Variants in PTPRR observed in about 807,000 individuals in gnomAD.
PTPRR encodes the protein protein tyrosine phosphatase receptor type R.
Under a neutral mutation model 77.2 loss-of-function variants are expected in PTPRR, and 38 were observed. The ratio of observed to expected loss-of-function variants is 0.49; its 90% CI spans 0.38 to 0.65. PTPRR has a LOEUF of 0.65. Among genes scored for constraint, PTPRR ranks in the 30% least tolerant of loss-of-function variants. The probability of loss-of-function intolerance (pLI) is 0.00; values close to 1 mark genes in which losing one functional copy is unlikely to be tolerated. For synonymous variants in PTPRR, 299 were observed against 283.1 expected (o/e 1.06, Z -0.57); for missense variants, 744 against 799.2 (o/e 0.93, Z 0.83).
chr12:70,866,009 A>G (rs1892838373), intron 2 of PTPRR, among the ~76,000 whole-genome samples: 1 of 152,178 alleles, frequency 6.6e-6, no homozygotes, highest in Admixed American at 6.6e-5. Flanking sequence ...ACAACATACC[A>G]GAATCTCTGG....
At chr12:70,711,402 T>A (rs1888824820) in intron 6 of PTPRR, among the ~76,000 whole-genome samples, 1 of 151,074 alleles carries the variant, frequency 6.6e-6, no homozygotes, top group Non-Finnish European at 1.5e-5. Flanking sequence ...GGGTAGAGAG[T>A]GGGAGGAGGA....
At chr12:70,771,464 G>A (rs1031195851) in intron 2 of PTPRR, among the ~76,000 whole-genome samples, 1 of 151,990 alleles carries the variant, frequency 6.6e-6, no homozygotes. Flanking sequence ...TGGGTGATGG[G>A]ATCATCTGCA....
At chr12:70,903,290 A>C (rs1893570221) in intron 1 of PTPRR, among the ~76,000 whole-genome samples, 1 of 151,850 alleles carries the variant, frequency 6.6e-6, no homozygotes, top group Non-Finnish European at 1.5e-5. Flanking sequence ...GTGAGGTGAT[A>C]AATATGTTAA....
chr12:70,673,066 T>G (rs971469796), intron 10 of PTPRR: 90 of 1,107,270 alleles, frequency 8.1e-5, no homozygotes, highest in Middle Eastern at 3.9e-4. Context: ...AAGAAAGAAA[T>G]ATATATTTGA....
Position 70,638,301 on chromosome 12 carries a change from C to A in PTPRR, c.*883G>T, listed in dbSNP as rs1400904712. The stretch of plus-strand genomic sequence containing the variant: ...TTATATCATTCCTGAAGGCATATAC[C>A]TTTTGTTGAGAGAGAGATTCCAGGT... On this transcript the variant is annotated 3_prime_UTR_variant, in exon 14 of 14. Coordinates refer to ENST00000283228, the MANE Select transcript of PTPRR (RefSeq NM_002849.4). 6.6e-6 allele frequency: 1 copy of A among 152,336 alleles called. No individual in the cohort carries two copies. Among genetic ancestry groups the A allele is most frequent in the Non-Finnish European group, 1.5e-5 (1 of 68,016 alleles). The allele number at this position is 152,336 out of a possible 1,614,324, so 9.4% of individuals were successfully genotyped here. A position where few individuals can be genotyped will look rare whatever the true frequency, so the allele number is the denominator to read the frequency against.
intron 2 of PTPRR, among the ~76,000 whole-genome samples, chr12:70,856,133 A>G (rs1406381720): frequency 6.6e-6 from 1 of 152,214 alleles, no homozygotes; most frequent in Non-Finnish European, 1.5e-5. Flanking sequence ...TCACTCATGT[A>G]TTCATTCAGA....
intron 2 of PTPRR, among the ~76,000 whole-genome samples, chr12:70,795,958 C>T (rs973255864): frequency 2.5e-4 from 28 of 110,656 alleles, no homozygotes; most frequent in Non-Finnish European, 4.8e-4. Context: ...GAGTCTTGCC[C>T]TGTGACCCAG....
chr12:70,879,665 T>TC (rs1893115382), intron 2 of PTPRR, among the ~76,000 whole-genome samples: 2 of 152,210 alleles, frequency 1.3e-5, no homozygotes. Context: ...TTTCTTTTTT[T>TC]CATGCTCAAT....
intron 2 of PTPRR, among the ~76,000 whole-genome samples, chr12:70,851,283 A>G (rs990855732): frequency 2.0e-5 from 3 of 152,180 alleles, no homozygotes; most frequent in African/African-American, 7.2e-5. Context: ...ACCCAGACAC[A>G]CAGACAAAAA....
intron 5 of PTPRR, among the ~76,000 whole-genome samples, chr12:70,750,225 G>C (rs1233925460): frequency 6.6e-6 from 1 of 151,940 alleles, no homozygotes; most frequent in Non-Finnish European, 1.5e-5. Context: ...TTATGTTGTT[G>C]TTACATAGCA....
At chr12:70,897,214 G>A (rs1286526735) in intron 1 of PTPRR, among the ~76,000 whole-genome samples, 2 of 151,932 alleles carry the variant, frequency 1.3e-5, no homozygotes, top group African/African-American at 4.8e-5. Flanking sequence ...GAGTGAACAG[G>A]CAACCTACAA....
At chr12:70,770,158 T>C (rs1890935501) in intron 2 of PTPRR, among the ~76,000 whole-genome samples, 1 of 146,434 alleles carries the variant, frequency 6.8e-6, no homozygotes, top group African/African-American at 2.6e-5. Flanking sequence ...AATTGACAAA[T>C]GGGATCTAAT....
At chr12:70,869,940 T>C (rs1052182706) in intron 2 of PTPRR, among the ~76,000 whole-genome samples, 2 of 152,170 alleles carry the variant, frequency 1.3e-5, no homozygotes, top group Non-Finnish European at 2.9e-5. Context: ...ACAGCAGCCA[T>C]AGGAATCTAA....
chr12:70,681,829 CT>C (rs1393040755), intron 10 of PTPRR, among the ~76,000 whole-genome samples: 1 of 152,082 alleles, frequency 6.6e-6, no homozygotes, highest in Non-Finnish European at 1.5e-5. Context: ...GCCTTCGTTT[CT>C]GTAAAGTATC....
chr12:70,845,443 T>C (rs1425022495), intron 2 of PTPRR, among the ~76,000 whole-genome samples: 2 of 152,156 alleles, frequency 1.3e-5, no homozygotes, highest in East Asian at 1.9e-4. Context: ...GGAGTCACAG[T>C]AGGACGCATT....
intron 2 of PTPRR, among the ~76,000 whole-genome samples, chr12:70,805,571 G>C (rs1361398465): frequency 1.3e-5 from 2 of 152,114 alleles, no homozygotes; most frequent in Non-Finnish European, 2.9e-5. Flanking sequence ...ATGTTGCCCA[G>C]GCTGGTTGTA....
chr12:70,665,854 T>C (rs573149725), intron 10 of PTPRR, among the ~76,000 whole-genome samples: 5 of 152,330 alleles, frequency 3.3e-5, no homozygotes, highest in Admixed American at 2.0e-4. Flanking sequence ...ATCAGAGATA[T>C]TGCTCTATAA....
At chr12:70,774,215 C>T (rs1186137407) in intron 2 of PTPRR, among the ~76,000 whole-genome samples, 1 of 152,234 alleles carries the variant, frequency 6.6e-6, no homozygotes, top group African/African-American at 2.4e-5. Context: ...GTTTGTCAGG[C>T]AGGGTGAGCT....
intron 3 of PTPRR, among the ~76,000 whole-genome samples, chr12:70,764,018 T>TC (rs1284242544): frequency 6.6e-6 from 1 of 151,450 alleles, no homozygotes. Context: ...CTTTTTTTTT[T>TC]TTTTTTTTTA....
Sources: gnomAD v4.1 joint callset for allele counts (sites outside exome capture counted in the v4.1 genomes callset) on GRCh38, gnomAD v4.1.1 for gene constraint, MANE v1.5 for transcripts, NCBI Gene and HGNC (gene_info 2026-07-23, HGNC 2026-07-21) for gene names.